The following UGGT1 variants were observed in gnomAD, a reference collection of about 807,000 sequenced individuals.
UGGT1 encodes the protein UDP-glucose glycoprotein glucosyltransferase 1.
UGGT1 carries 107 observed loss-of-function variants against 203.9 expected under a neutral mutation model. That is an observed-to-expected ratio of 0.52 (90% confidence interval 0.45 to 0.62). UGGT1 has a LOEUF of 0.62. UGGT1 is among the 20% of genes least tolerant of loss of function. The probability of loss-of-function intolerance (pLI) is 0.00; values close to 1 mark genes in which losing one functional copy is unlikely to be tolerated. For missense variants in UGGT1, 1,673 were observed against 1,867.2 expected, an observed-to-expected ratio of 0.90 and a Z score of 1.92; for synonymous variants, 628 against 653.5, an observed-to-expected ratio of 0.96 and a Z score of 0.59.
chr2:128,182,378 T>A, intron 37 of UGGT1, 88 bp downstream of exon 37: 1 of 1,424,784 alleles, frequency 7.0e-7, no homozygotes, highest in South Asian at 1.4e-5. Flanking sequence ...GGTAATACAT[T>A]GGTATGGTTG....
chr2:128,135,964 C>T (rs4395208), intron 15 of UGGT1, among the ~76,000 whole-genome samples: 136,606 of 152,240 alleles, frequency 0.9, 62,140 homozygotes, highest in Non-Finnish European at 0.98. Context: ...ATGTTTTGAT[C>T]AAAAGAGAAA....
chr2:128,172,669 TC>T lies in UGGT1; in HGVS notation c.3203del (p.Pro1068HisfsTer5). 1.2e-6 allele frequency: 2 copies of T among 1,614,154 alleles called. No homozygotes were observed. The highest frequency in any genetic ancestry group is 1.7e-6 in the Non-Finnish European group (2 of 1,180,016). On this transcript the variant is annotated frameshift_variant, in exon 29 of 41. Coordinates refer to ENST00000259253, the MANE Select transcript of UGGT1 (RefSeq NM_020120.4). LOFTEE classifies it high-confidence loss of function. ...CAAAATTTTTGGATATGCCTCAGTC[TC>T]CACTGTTCACTCTGAATTTGAACAC... ...IAKFLDMPQSPLFTLNLNTPE... is the reference protein window; with the variant it reads ...IAKFLDMPQSXLFTLNLNTPE...
At position 128,108,001 on chromosome 2, in the gene UGGT1, A is replaced by C; in HGVS notation, c.341A>C (p.Gln114Pro). The change falls in exon 4 of 41, where the codon CAG becomes CCG. Residue 114 changes from glutamine (Q) to proline (P), a missense_variant. Physicochemically the swap from Gln to Pro is moderately conservative, Grantham distance 76. Transcript: ENST00000259253. ...GCATTTCAGTTTCTGTCACCCCTCC[A>C]GCAGAATTTGTTTAAATTTTGTCTG... ...EAAFQFLSPL[Q>P]QNLFKFCLSL... 2 of 1,614,140 alleles carry C rather than the reference A, an allele frequency of 1.2e-6. No homozygotes were observed. The highest frequency in any genetic ancestry group is 2.2e-5 in the South Asian group (2 of 91,080).
At chr2:128,156,865 CG>C (rs1366283513) in intron 21 of UGGT1, among the ~76,000 whole-genome samples, 1 of 152,090 alleles carries the variant, frequency 6.6e-6, no homozygotes, top group Non-Finnish European at 1.5e-5. Context: ...CCACTGCACC[CG>C]GCCAATGTAG....
At position 128,100,583 on chromosome 2, in the gene UGGT1, T is replaced by A. The variant is rs553739928; in HGVS notation, c.194+3019T>A. 5.9e-4 allele frequency among the ~76,000 whole-genome samples: 87 copies of A among 147,368 alleles called. 4 individuals carry two copies. The South Asian group carries it at 0.018, about 31-fold the overall frequency. On this transcript the variant is annotated intron_variant, in intron 2 of 40. Transcript: ENST00000259253. ...CACCAAGTCCGGCTAATTTTGTATT[T>A]TTTTTTTTTTTTTTTTTTAGTAGCG...
At chr2:128,178,205 C>T (rs1380537760) in intron 33 of UGGT1, among the ~76,000 whole-genome samples, 2 of 152,184 alleles carry the variant, frequency 1.3e-5, no homozygotes, top group Admixed American at 1.3e-4. Flanking sequence ...AGTTTACTTC[C>T]CGTTGTGTAA....
intron 18 of UGGT1, among the ~76,000 whole-genome samples, chr2:128,148,269 C>T (rs1689785990): frequency 6.6e-6 from 1 of 152,096 alleles, no homozygotes; most frequent in African/African-American, 2.4e-5. Flanking sequence ...ACCACATCGG[C>T]CAGGCTCTAA....
intron 3 of UGGT1, among the ~76,000 whole-genome samples, chr2:128,105,487 C>CTTTAT (rs70988607): frequency 0.29 from 41,939 of 145,292 alleles, 7,310 homozygotes; most frequent in South Asian, 0.39. Context: ...CTAGATTTTA[C>CTTTAT]TTTATTTTAT....
Position 128,097,447 on chromosome 2 carries a change from G to A in UGGT1, c.77G>A (p.Gly26Glu). Reference protein sequence around the residue: ...LPVTGVCYKMGVLVVLTVLWL... With the variant: ...LPVTGVCYKMEVLVVLTVLWL... ...CTTTTAGGAGTTTGCTATAAAATGG[G>A]AGTTCTGGTTGTACTCACTGTTCTG... The change falls in exon 2 of 41, where the codon GGA becomes GAA. Residue 26 changes from glycine to glutamate, a missense_variant. Transcript: ENST00000259253. 6.2e-7 allele frequency: 1 copy of A among 1,610,612 alleles called. No homozygotes were observed. Among genetic ancestry groups the A allele is most frequent in the Non-Finnish European group, 8.5e-7 (1 of 1,179,138 alleles).
intron 26 of UGGT1, 63 bp downstream of exon 26, chr2:128,164,888 C>G: frequency 8.1e-7 from 1 of 1,236,040 alleles, no homozygotes; most frequent in Non-Finnish European, 1.1e-6. Context: ...TTTGCTTTAC[C>G]TCAGCTCCTT....
chr2:128,187,446 C>T lies in UGGT1; in HGVS notation c.4477-3C>T. The T allele has an allele frequency of 6.2e-7, 1 of 1,612,012 alleles. No homozygotes were observed. Among genetic ancestry groups the T allele is most frequent in the Non-Finnish European group, 8.5e-7 (1 of 1,178,704 alleles). On this transcript the variant is annotated splice_polypyrimidine_tract_variant and splice_region_variant and intron_variant, in intron 39 of 40. Transcript: ENST00000259253. ...GCTGAAGTGTGTTCTTTTGGTTTCA[C>T]AGTGTAATAATCCGATGACCAAAGA... is the stretch of plus-strand genomic sequence containing the variant.
Position 128,174,851 on chromosome 2 carries a change from A to G in UGGT1, c.3532A>G (p.Ile1178Val). The part of the protein sequence containing the change: ...RKGRSEDIYR[I>V]YSHDGTDSPP... Reference sequence around the variant, plus strand: ...GGGACGCTCTGAAGATATTTATAGAATTTACAGGTAGGAGTAAGTGATGCA... The same window carrying G: ...GGGACGCTCTGAAGATATTTATAGAGTTTACAGGTAGGAGTAAGTGATGCA... The change falls in exon 31 of 41, where the codon ATT becomes GTT. Residue 1178 changes from isoleucine to valine, a missense_variant. Ile to Val is a conservative substitution (Grantham distance 29, BLOSUM62 3). Transcript: ENST00000259253. The G allele has an allele frequency of 6.2e-7, 1 of 1,612,280 alleles. No homozygotes were observed. The highest frequency in any genetic ancestry group is 8.5e-7 in the Non-Finnish European group (1 of 1,179,192).
At chr2:128,152,758 C>T (rs1463298004) in intron 18 of UGGT1, 26 bp from the exon 19 acceptor site, 2 of 1,585,758 alleles carry the variant, frequency 1.3e-6, no homozygotes, top group Admixed American at 3.9e-5. Flanking sequence ...ACCCTCCCCC[C>T]TCAACCTCCT....
Position 128,133,246 on chromosome 2 carries a change from A to G in UGGT1, c.1483A>G (p.Asn495Asp). The change falls in exon 14 of 41, where the codon AAC becomes GAC. Residue 495 changes from asparagine to aspartate, a missense_variant. Asn to Asp is a conservative substitution (Grantham distance 23). Around this residue, in one of 4 missense-constraint regions of UGGT1, gnomAD observed 1,073 missense variants for 1,078.7 expected, o/e 0.99. Coordinates refer to ENST00000259253, the MANE Select transcript of UGGT1 (RefSeq NM_020120.4). ...TGGTGTTATTCGGCAGATCAGGAAAAACTTACATAATATGGTAAGTAAAAC... is the reference window on the plus strand; with the variant it reads ...TGGTGTTATTCGGCAGATCAGGAAAGACTTACATAATATGGTAAGTAAAAC... ...FPGVIRQIRK[N>D]LHNMVFIVDP... The G allele has an allele frequency of 6.2e-7, 1 of 1,613,732 alleles. No individual in the cohort carries two copies. The highest frequency in any genetic ancestry group is 1.1e-5 in the South Asian group (1 of 91,080).
intron 1 of UGGT1, 36 bp from the exon 2 acceptor site, chr2:128,097,393 C>G: frequency 6.3e-7 from 1 of 1,582,160 alleles, no homozygotes; most frequent in East Asian, 2.2e-5. Flanking sequence ...AAAAAATTTC[C>G]TTGTAGCAAA....
At position 128,141,030 on chromosome 2, in the gene UGGT1, A is replaced by G. The variant is rs140522058; in HGVS notation, c.1720-2064A>G. Among the ~76,000 whole-genome samples the G allele has an allele frequency of 4.4e-3, 672 of 152,110 alleles. 2 individuals carry two copies. The highest frequency in any genetic ancestry group is 0.015 in the African/African-American group (638 of 41,540). ...GAAGTGAAGTAATACTGCTCACTGT[A>G]AAAACACTTGAGGCCAGGCGCAGTG... is the stretch of plus-strand genomic sequence containing the variant. On this transcript the variant is annotated intron_variant, in intron 16 of 40. Coordinates refer to ENST00000259253, the MANE Select transcript of UGGT1 (RefSeq NM_020120.4).
In UGGT1 at chr2:128,145,944, T is replaced by C. The variant is rs117344947; in HGVS notation, c.1993T>C (p.Phe665Leu). Residue 665 changes from phenylalanine to leucine, a missense_variant, in exon 18 of 41, where the codon TTC becomes CTC. This residue lies in a region of UGGT1 where 1,073 missense variants were observed against 1,078.7 expected (regional missense o/e 0.99). Coordinates refer to ENST00000259253, the MANE Select transcript of UGGT1 (RefSeq NM_020120.4). ...TMHKILETTT[F>L]FQRAVYLGEL... ...GCATAAAATCCTGGAGACCACCACC[T>C]TCTTCCAAAGAGCGGTGTACTTGGT... 199 of 1,614,088 alleles carry C rather than the reference T, an allele frequency of 1.2e-4. 2 individuals are homozygous for C. The East Asian group carries it at 4.4e-3, about 35-fold the overall frequency.
At chr2:128,146,901 ACT>A (rs1437265278) in intron 18 of UGGT1, among the ~76,000 whole-genome samples, 2 of 151,918 alleles carry the variant, frequency 1.3e-5, no homozygotes, top group African/African-American at 2.4e-5. Context: ...CAGAACCCCA[ACT>A]CTCTAATCAT....
chr2:128,170,397 A>G lies in UGGT1; in HGVS notation c.3024+7A>G. The G allele has an allele frequency of 6.2e-7, 1 of 1,612,178 alleles. No homozygotes were observed. Among genetic ancestry groups the G allele is most frequent in the Non-Finnish European group, 8.5e-7 (1 of 1,178,180 alleles). On this transcript the variant is annotated splice_region_variant and intron_variant, in intron 27 of 40. Transcript: ENST00000259253. The stretch of plus-strand genomic sequence containing the variant: ...ACTTGCTCCTTTGCTCTTGGTAGGA[A>G]CGCTGTGCAGGAAGTGTACATCACC...
Sources: gnomAD v4.1 joint callset for allele counts (sites outside exome capture counted in the v4.1 genomes callset) on GRCh38, gnomAD v4.1.1 for gene constraint, gnomAD v4.1.1 regional missense constraint, MANE v1.5 for transcripts, NCBI Gene and HGNC (gene_info 2026-07-23, HGNC 2026-07-21) for gene names.